The following AHDC1 variants were observed in gnomAD, a reference collection of about 807,000 sequenced individuals.
The protein encoded by AHDC1 is AT-hook DNA binding motif containing 1, also known as transcription factor Gibbin.
AHDC1 carries 7 observed loss-of-function variants against 87.9 expected under a neutral mutation model. That is an observed-to-expected ratio of 0.08 (90% CI 0.05 to 0.15). The LOEUF (loss-of-function observed/expected upper bound fraction) is 0.15, where lower values mean the gene tolerates loss of function less well. AHDC1 is among the 10% of genes least tolerant of loss of function. The probability of loss-of-function intolerance (pLI) is 1.00; values close to 1 mark genes in which losing one functional copy is unlikely to be tolerated. For synonymous variants in AHDC1, 1,051 were observed against 1,006.8 expected, an observed-to-expected ratio of 1.04 and a Z score of -0.83; for missense variants, 1,841 against 2,253.2, an observed-to-expected ratio of 0.82 and a Z score of 3.70.
rs1400314112 is a variant in AHDC1, at chr1:27,534,269, T to C, written c.*691A>G. On this transcript the variant is annotated 3_prime_UTR_variant, in exon 9 of 9. Coordinates refer to ENST00000673934, the MANE Select transcript of AHDC1 (RefSeq NM_001371928.1). Reference sequence around the variant, plus strand: ...GTTGGTTTTTTTTTTTTGTTTTTTTTTTGTTTTTTTTTTGCTTTTTTTCAT... The same window carrying C: ...GTTGGTTTTTTTTTTTTGTTTTTTTCTTGTTTTTTTTTTGCTTTTTTTCAT... 1 of 151,238 alleles carries C rather than the reference T, an allele frequency of 6.6e-6. No individual in the cohort carries two copies. Among genetic ancestry groups the C allele is most frequent in the Admixed American group, 6.6e-5 (1 of 15,188 alleles). 9.4% of individuals were successfully genotyped at this position (151,238 alleles called of 1,614,324 possible).
In AHDC1 at chr1:27,547,998, G is replaced by T; in HGVS notation, c.4118C>A (p.Pro1373His). 6.2e-7 allele frequency: 1 copy of T among 1,608,084 alleles called. No individual in the cohort carries two copies. Among genetic ancestry groups the T allele is most frequent in the Non-Finnish European group, 8.5e-7 (1 of 1,175,596 alleles). ...FHCDSPSLGA[P>H]ELDGKHFPPL... is the part of the protein sequence containing the mutation. Reference sequence around the variant, plus strand: ...TGGGAAATGCTTGCCATCAAGCTCGGGAGCACCCAGGCTGGGCGAGTCGCA... The same window carrying T: ...TGGGAAATGCTTGCCATCAAGCTCGTGAGCACCCAGGCTGGGCGAGTCGCA... Residue 1373 changes from proline to histidine, a missense_variant, in exon 8 of 9, where the codon CCC (proline) becomes CAC (histidine). Pro to His is a moderately conservative substitution (Grantham distance 77). Transcript: ENST00000673934. This position sits in a 1 kb window ranked among gnomAD's most constrained non-coding sequence, Gnocchi z 4.9.
At chr1:27,541,816 G>C (rs1264457279) in intron 8 of AHDC1, among the ~76,000 whole-genome samples, 1 of 152,126 alleles carries the variant, frequency 6.6e-6, no homozygotes, top group Non-Finnish European at 1.5e-5. Flanking sequence ...TTTTAGTAGA[G>C]ACAGGGTTTC....
At chr1:27,585,482 G>A (rs1464090108) in intron 3 of AHDC1, among the ~76,000 whole-genome samples, 1 of 152,126 alleles carries the variant, frequency 6.6e-6, no homozygotes, top group Non-Finnish European at 1.5e-5. Context: ...ATAGTATCTG[G>A]AACATAGTAA....
rs2089182475 is a variant in AHDC1 at position 27,590,113 on chromosome 1, C to T, written c.-629+13284G>A. Among the ~76,000 whole-genome samples, 1 of 151,958 alleles carries T rather than the reference C, an allele frequency of 6.6e-6. No homozygotes were observed. The highest frequency in any genetic ancestry group is 1.5e-5 in the Non-Finnish European group (1 of 68,002). On this transcript the variant is annotated intron_variant, in intron 3 of 8. Transcript: ENST00000673934. This position sits in a 1 kb window ranked among gnomAD's most constrained non-coding sequence, Gnocchi z 5.4. ...TACAGGAAGGACTCTTCGGGCCCCT[C>T]CTTCTCCTGGAGGGGAGGGATGAGC...
intron 8 of AHDC1, among the ~76,000 whole-genome samples, chr1:27,542,950 G>A (rs1382451441): frequency 6.6e-6 from 1 of 152,216 alleles, no homozygotes; most frequent in Non-Finnish European, 1.5e-5. Flanking sequence ...GGGCAGGACT[G>A]GCTGGGCCCT....
At position 27,549,319 on chromosome 1, in the gene AHDC1, G is replaced by A; in HGVS notation, c.2797C>T (p.Pro933Ser). 6.2e-7 allele frequency: 1 copy of A among 1,609,774 alleles called. No homozygotes were observed. Among genetic ancestry groups the A allele is most frequent in the Non-Finnish European group, 8.5e-7 (1 of 1,177,108 alleles). ...PGRAASYGLT[P>S]AASDCRAAET... is the part of the protein sequence containing the mutation. ...GCTGCCCGGCAGTCTGAAGCGGCTG[G>A]AGTTAGCCCATAGCTTGCTGCTCGT... The change falls in exon 8 of 9, where the codon CCA becomes TCA. Residue 933 changes from proline (P) to serine (S), a missense_variant. This residue lies in a region of AHDC1 where 378 missense variants were observed against 399.0 expected (regional missense o/e 0.95). Transcript: ENST00000673934.
In AHDC1 at chr1:27,595,169, G is replaced by A. The variant is rs915724027; in HGVS notation, c.-629+8228C>T. 6.6e-6 allele frequency among the ~76,000 whole-genome samples: 1 copy of A among 152,064 alleles called. No individual in the cohort carries two copies. The highest frequency in any genetic ancestry group is 1.5e-5 in the Non-Finnish European group (1 of 68,002). On this transcript the variant is annotated intron_variant, in intron 3 of 8. Transcript: ENST00000673934. This position sits in a 1 kb window ranked among gnomAD's most constrained non-coding sequence, Gnocchi z 4.0. ...GGCAAATGTTGTGGCTACAGAGGGT[G>A]TTCTTGTTTGAGTGGGTGTTTGAAG...
rs2019476761 is a variant in AHDC1 at position 27,550,463 on chromosome 1, A to G, written c.1653T>C (p.Pro551=). 7.5e-6 allele frequency: 12 copies of G among 1,606,788 alleles called. No homozygotes were observed. The highest frequency in any genetic ancestry group is 1.3e-5 in the African/African-American group (1 of 74,740). ...IILKRKRGRP[P]KNLLLGPGKP... is the part of the protein sequence containing the mutation. ...TGCCGGGACCCAGCAGCAGGTTCTT[A>G]GGAGGGCGGCCGCGCTTACGTTTGA... Residue 551 remains proline, a synonymous_variant, in exon 8 of 9, where the codon CCT becomes CCC. Transcript: ENST00000673934.
chr1:27,549,484 C>G lies in AHDC1; in HGVS notation c.2632G>C (p.Ala878Pro). The change falls in exon 8 of 9, where the codon GCC becomes CCC. Residue 878 changes from alanine (A) to proline (P), a missense_variant. By Grantham distance (27) the Ala-to-Pro change is conservative. This residue lies in a region of AHDC1 where 378 missense variants were observed against 399.0 expected (regional missense o/e 0.95). Coordinates refer to ENST00000673934, the MANE Select transcript of AHDC1 (RefSeq NM_001371928.1). ...GCCAGGCCCCGCTGGGCAGGCAGGG[C>G]ACTGGTGGGTGGCCCTGCATAGGTG... Reference protein sequence around the residue: ...SGTYAGPPTSALPAQRGLATF... With the variant: ...SGTYAGPPTSPLPAQRGLATF... 1 of 1,613,192 alleles carries G rather than the reference C, an allele frequency of 6.2e-7. No homozygotes were observed. Among genetic ancestry groups the G allele is most frequent in the Middle Eastern group, 1.6e-4 (1 of 6,062 alleles).
intron 3 of AHDC1, among the ~76,000 whole-genome samples, chr1:27,591,482 C>G (rs980424398): frequency 2.0e-5 from 3 of 152,198 alleles, no homozygotes; most frequent in African/African-American, 4.8e-5. Context: ...CGGCTCACCC[C>G]CCTTAGCATT....
chr1:27,568,977 G>A (rs934800876), intron 3 of AHDC1, among the ~76,000 whole-genome samples: 3 of 152,070 alleles, frequency 2.0e-5, no homozygotes, highest in African/African-American at 7.2e-5. Context: ...GCCAGGGTGG[G>A]GCGCGGGGGG....
chr1:27,547,952 C>T lies in AHDC1; in HGVS notation c.4164G>A (p.Thr1388=), dbSNP rs752894663. ...KHFPPLAHPP[T]VFDAGLQKAY... ...CCTTCTGCAGGCCGGCGTCAAACAC[C>T]GTGGGTGGGTGGGCCAGCGGTGGGA... is the stretch of plus-strand genomic sequence containing the variant. Residue 1388 remains threonine (T), a synonymous_variant, in exon 8 of 9, where the codon ACG becomes ACA. Coordinates refer to ENST00000673934, the MANE Select transcript of AHDC1 (RefSeq NM_001371928.1). This position sits in a 1 kb window ranked among gnomAD's most constrained non-coding sequence, Gnocchi z 4.9. 6.9e-6 allele frequency: 11 copies of T among 1,595,162 alleles called. No individual in the cohort carries two copies. The highest frequency in any genetic ancestry group is 4.5e-5 in the East Asian group (2 of 44,592).
intron 8 of AHDC1, among the ~76,000 whole-genome samples, chr1:27,538,400 C>CAAAAAAAAAAAAAAAA (rs370786800): frequency 4.4e-4 from 27 of 60,716 alleles, no homozygotes; most frequent in African/African-American, 1.1e-3. Context: ...AAGACTGTCT[C>CAAAAAAAAAAAAAAAA]AAAAAAAAAA....
intron 3 of AHDC1, among the ~76,000 whole-genome samples, chr1:27,573,846 A>G (rs758730186): frequency 6.6e-6 from 1 of 152,238 alleles, no homozygotes; most frequent in Non-Finnish European, 1.5e-5. Flanking sequence ...TCCATTTTGC[A>G]GAAAAGCAAA....
At chr1:27,544,708 G>T (rs1456206181) in intron 8 of AHDC1, among the ~76,000 whole-genome samples, 2 of 152,156 alleles carry the variant, frequency 1.3e-5, no homozygotes, top group Non-Finnish European at 2.9e-5. Flanking sequence ...GGCACTGGGG[G>T]GTTGCCCTAG....
At chr1:27,555,380 G>A (rs1470570406) in intron 5 of AHDC1, among the ~76,000 whole-genome samples, 4 of 152,328 alleles carry the variant, frequency 2.6e-5, no homozygotes, top group African/African-American at 9.6e-5. Context: ...ACAGGAAGGG[G>A]CCCTTTGGTT....
intron 3 of AHDC1, among the ~76,000 whole-genome samples, chr1:27,596,815 G>T (rs1030701048): frequency 2.6e-5 from 4 of 151,456 alleles, no homozygotes; most frequent in African/African-American, 9.7e-5. Context: ...TCACATAAAC[G>T]TGCATCCACA....
At chr1:27,584,145 G>C (rs2088982964) in intron 3 of AHDC1, among the ~76,000 whole-genome samples, 1 of 152,362 alleles carries the variant, frequency 6.6e-6, no homozygotes, top group African/African-American at 2.4e-5. Context: ...TCAAGGCCCA[G>C]AGAGGGAAAG....
intron 3 of AHDC1, among the ~76,000 whole-genome samples, chr1:27,572,705 C>A (rs1182977164): frequency 6.6e-6 from 1 of 152,244 alleles, no homozygotes; most frequent in Non-Finnish European, 1.5e-5. Context: ...CAGCCGCTTC[C>A]CCAGGAGGCT....
Sources: allele counts gnomAD v4.1 joint callset (sites outside exome capture counted in the v4.1 genomes callset), GRCh38; gene constraint gnomAD v4.1.1; regional missense constraint gnomAD v4.1.1; non-coding constraint Gnocchi (gnomAD v3.1); transcripts MANE v1.5; gene names NCBI Gene and HGNC (gene_info 2026-07-23, HGNC 2026-07-21).